Variants in CHN2 observed in about 807,000 individuals in gnomAD.
CHN2 encodes beta-chimaerin.
CHN2 carries 35 observed loss-of-function variants against 56.3 expected under a neutral mutation model. The observed-to-expected ratio is 0.62, with a 90% CI of 0.47 to 0.82. The LOEUF (loss-of-function observed/expected upper bound fraction) is 0.82, where lower values mean the gene tolerates loss of function less well. CHN2 is among the 40% of genes least tolerant of loss of function. CHN2 has a pLI of 0.00. For synonymous variants in CHN2, 210 were observed against 212.8 expected (o/e 0.99, Z 0.12); for missense variants, 491 against 580.5 (o/e 0.85, Z 1.58).
chr7:29,389,462 C>A (rs908448404), intron 3 of CHN2, among the ~76,000 whole-genome samples: 1 of 152,140 alleles, frequency 6.6e-6, no homozygotes, highest in Non-Finnish European at 1.5e-5. Flanking sequence ...ACACGTCATA[C>A]CTCTACCCTC....
intron 4 of CHN2, among the ~76,000 whole-genome samples, chr7:29,394,285 C>G (rs766506020): frequency 6.6e-6 from 1 of 152,154 alleles, no homozygotes; most frequent in Non-Finnish European, 1.5e-5. Flanking sequence ...CCAGCAAATA[C>G]GCATGACCAT....
intron 1 of CHN2, among the ~76,000 whole-genome samples, chr7:29,296,063 G>T (rs1481947862): frequency 6.7e-6 from 1 of 150,100 alleles, no homozygotes; most frequent in Non-Finnish European, 1.5e-5. Flanking sequence ...AAAGAGAAAG[G>T]TCTGTCCGTG....
rs926870045 is a variant in CHN2 at position 29,483,932 on chromosome 7, T to G, written c.654+3576T>G. The stretch of plus-strand genomic sequence containing the variant: ...CTATAAAATGGGAGTGTTGGGAGGT[T>G]TAAAGAATACATGCGAGTCACTTAT... On this transcript the variant is annotated intron_variant, in intron 7 of 12. Coordinates refer to ENST00000222792, the MANE Select transcript of CHN2 (RefSeq NM_004067.4). 5 of 1,260,488 alleles carry G rather than the reference T, an allele frequency of 4.0e-6. No individual in the cohort carries two copies. In the African/African-American group the frequency reaches 6.2e-5, roughly 16 times the overall value. 78.1% of individuals were successfully genotyped at this position (1,260,488 alleles called of 1,614,324 possible).
intron 12 of CHN2, among the ~76,000 whole-genome samples, chr7:29,511,155 G>A (rs748804985): frequency 1.3e-3 from 9 of 6,760 alleles, no homozygotes; most frequent in Non-Finnish European, 2.6e-3. Context: ...AGCAAACGGA[G>A]GACTGTATAA....
In CHN2 at chr7:29,149,189, C is replaced by CTTTT. The variant is rs60520174; in HGVS notation, c.274+2247_274+2250dup. 3.3e-3 allele frequency among the ~76,000 whole-genome samples: 330 copies of CTTTT among 100,244 alleles called. 9 individuals carry two copies. The highest frequency in any genetic ancestry group is 3.9e-3 in the African/African-American group (100 of 25,636). 65.8% of individuals were successfully genotyped at this position (100,244 alleles called of 152,430 possible). ...TTAGTAGATTGGGAAGTCTGTTTCCCTTTTTTTTTTTTTTTTTTTTTGAGA... is the reference window on the plus strand; with the variant it reads ...TTAGTAGATTGGGAAGTCTGTTTCCCTTTTTTTTTTTTTTTTTTTTTTTTTGAGA... On this transcript the variant is annotated intron_variant, in intron 2 of 6. Transcript: ENST00000439384.
chr7:29,295,610 G>C (rs1793087317), intron 1 of CHN2, among the ~76,000 whole-genome samples: 1 of 152,048 alleles, frequency 6.6e-6, no homozygotes, highest in Non-Finnish European at 1.5e-5. Context: ...AGATGAGAGA[G>C]TTAAAACTGT....
intron 1 of CHN2, among the ~76,000 whole-genome samples, chr7:29,292,380 A>G (rs1792705849): frequency 6.6e-6 from 1 of 151,362 alleles, no homozygotes; most frequent in East Asian, 1.9e-4. Context: ...AAACACTAAT[A>G]AATATTGAGA....
At chr7:29,388,722 T>C (rs942614138) in intron 3 of CHN2, among the ~76,000 whole-genome samples, 2 of 152,084 alleles carry the variant, frequency 1.3e-5, no homozygotes, top group African/African-American at 4.8e-5. Context: ...ATGATAGACA[T>C]ATTAGAGGGC....
chr7:29,248,201 C>T (rs1788222251), intron 1 of CHN2, among the ~76,000 whole-genome samples: 1 of 152,236 alleles, frequency 6.6e-6, no homozygotes, highest in African/African-American at 2.4e-5. Context: ...AGAGAAAGTA[C>T]TAGAGCAGGC....
At chr7:29,220,217 C>T (rs572340344) in intron 1 of CHN2, among the ~76,000 whole-genome samples, 21 of 149,214 alleles carry the variant, frequency 1.4e-4, no homozygotes, top group African/African-American at 5.2e-4. Flanking sequence ...TTGCAGTGAG[C>T]CAAGATCATG....
chr7:29,466,979 G>A (rs1307923595), intron 6 of CHN2, among the ~76,000 whole-genome samples: 1 of 152,102 alleles, frequency 6.6e-6, no homozygotes, highest in Non-Finnish European at 1.5e-5. Context: ...TATGCACTGG[G>A]ATTTTTTAAA....
chr7:29,326,907 C>T (rs1192825911), intron 1 of CHN2, among the ~76,000 whole-genome samples: 1 of 152,150 alleles, frequency 6.6e-6, no homozygotes, highest in Non-Finnish European at 1.5e-5. Flanking sequence ...TAATGGGTTA[C>T]CTCAATTAAC....
intron 6 of CHN2, among the ~76,000 whole-genome samples, chr7:29,469,783 A>G (rs993848400): frequency 3.3e-5 from 5 of 152,198 alleles, no homozygotes; most frequent in African/African-American, 7.2e-5. Flanking sequence ...AGAATATACA[A>G]TGTACTTCTT....
intron 9 of CHN2, among the ~76,000 whole-genome samples, chr7:29,503,985 C>A (rs1398144843): frequency 6.6e-6 from 1 of 152,106 alleles, no homozygotes; most frequent in Non-Finnish European, 1.5e-5. Flanking sequence ...TTTTTCTTAG[C>A]CTAAATTTGC....
chr7:29,450,071 T>A (rs561057170), intron 6 of CHN2, among the ~76,000 whole-genome samples: 1 of 152,304 alleles, frequency 6.6e-6, no homozygotes, highest in Non-Finnish European at 1.5e-5. Context: ...GTATTTCACA[T>A]CAATTGAAGA....
chr7:29,159,135 G>C (rs1794830500), intron 2 of CHN2, among the ~76,000 whole-genome samples: 1 of 152,188 alleles, frequency 6.6e-6, no homozygotes, highest in South Asian at 2.1e-4. Context: ...AGCCCTCCCA[G>C]AGCCAGTGAG....
chr7:29,379,849 G>A (rs1447686774), intron 3 of CHN2, among the ~76,000 whole-genome samples: 2 of 152,134 alleles, frequency 1.3e-5, no homozygotes, highest in Non-Finnish European at 2.9e-5. Context: ...TTCTGAAAAA[G>A]CATAGTTGAA....
chr7:29,429,249 A>G (rs934871414), intron 6 of CHN2, among the ~76,000 whole-genome samples: 2 of 152,218 alleles, frequency 1.3e-5, no homozygotes, highest in African/African-American at 2.4e-5. Context: ...TGCCCTAGTC[A>G]TTTGGAAGTT....
intron 1 of CHN2, among the ~76,000 whole-genome samples, chr7:29,265,356 A>C (rs898597091): frequency 6.6e-6 from 1 of 152,216 alleles, no homozygotes. Flanking sequence ...AGAACAGGGC[A>C]CAACTTCCAC....
Sources: allele counts gnomAD v4.1 joint callset (sites outside exome capture counted in the v4.1 genomes callset), GRCh38; gene constraint gnomAD v4.1.1; transcripts MANE v1.5; gene names NCBI Gene and HGNC (gene_info 2026-07-23, HGNC 2026-07-21).